MEGF10: variants seen among roughly 807,000 people sequenced by gnomAD.
MEGF10 encodes the protein multiple EGF like domains 10, also known as multiple epidermal growth factor-like domains protein 10.
In MEGF10, 86 loss-of-function variants were observed where a neutral mutation model predicts 147.5. The observed-to-expected ratio is 0.58, with a 90% CI of 0.49 to 0.70. The LOEUF (loss-of-function observed/expected upper bound fraction) is 0.70, where lower values mean the gene tolerates loss of function less well. Among genes scored for constraint, MEGF10 ranks in the 30% least tolerant of loss-of-function variants. The pLI is 0.00. For missense variants in MEGF10, 1,329 were observed against 1,487.3 expected (o/e 0.89, Z 1.75); for synonymous variants, 478 against 525.5 (o/e 0.91, Z 1.24).
Position 127,312,859 on chromosome 5 carries a change from A to C in MEGF10, c.-18-18432A>C, listed in dbSNP as rs182031042. On this transcript the variant is annotated intron_variant, in intron 1 of 24. Coordinates refer to ENST00000503335, the MANE Select transcript of MEGF10 (RefSeq NM_001256545.2). ...TCTTAGAAAGGTTTCAGATAACCTG[A>C]AACCATGGTAAATTACCATATTTTA... Among the ~76,000 whole-genome samples, 761 of 152,342 alleles carry C rather than the reference A, an allele frequency of 5.0e-3. 1 individual carries two copies. Among genetic ancestry groups the C allele is most frequent in the African/African-American group, 0.017 (724 of 41,568 alleles).
chr5:127,400,599 A>G (rs1764090316), intron 7 of MEGF10, among the ~76,000 whole-genome samples: 1 of 152,212 alleles, frequency 6.6e-6, no homozygotes. Context: ...TGAGAACTCC[A>G]TGCTCTTTGG....
the MEGF10 span, among the ~76,000 whole-genome samples, chr5:127,243,681 T>A: frequency 6.6e-6 from 1 of 152,126 alleles, no homozygotes; most frequent in Admixed American, 6.6e-5. Context: ...CATTTGTGTA[T>A]CATCATCAGA....
At chr5:127,268,582 G>A in the MEGF10 span, among the ~76,000 whole-genome samples, 1 of 152,348 alleles carries the variant, frequency 6.6e-6, no homozygotes, top group East Asian at 1.9e-4. Context: ...GGTAAACAAA[G>A]GGGCCAGGAA....
intron 1 of MEGF10, among the ~76,000 whole-genome samples, chr5:127,327,129 C>T (rs1761069662): frequency 1.3e-5 from 2 of 152,158 alleles, no homozygotes; most frequent in African/African-American, 4.8e-5. Flanking sequence ...AAAACACAGA[C>T]AGCAAGGGTT....
chr5:127,380,949 A>T (rs1763234548), intron 5 of MEGF10, among the ~76,000 whole-genome samples: 1 of 152,202 alleles, frequency 6.6e-6, no homozygotes, highest in Non-Finnish European at 1.5e-5. Context: ...TGTGTCTCGG[A>T]GTTCTTCACC....
At chr5:127,285,470 T>C in the MEGF10 span, among the ~76,000 whole-genome samples, 3 of 152,142 alleles carry the variant, frequency 2.0e-5, no homozygotes, top group Non-Finnish European at 4.4e-5. Flanking sequence ...CAGAGTGATA[T>C]AGTTACCACC....
At chr5:127,431,288 T>A (rs1237895708) in intron 13 of MEGF10, among the ~76,000 whole-genome samples, 1 of 152,226 alleles carries the variant, frequency 6.6e-6, no homozygotes, top group African/African-American at 2.4e-5. Context: ...TACCATGCTC[T>A]GATTGAGAAT....
intron 2 of MEGF10, among the ~76,000 whole-genome samples, chr5:127,336,720 G>A (rs1168318229): frequency 6.6e-6 from 1 of 152,104 alleles, no homozygotes; most frequent in African/African-American, 2.4e-5. Flanking sequence ...ATCAGGTCTA[G>A]TTCCAACAAA....
At chr5:127,295,734 A>C (rs1352891119) in intron 1 of MEGF10, among the ~76,000 whole-genome samples, 1 of 152,224 alleles carries the variant, frequency 6.6e-6, no homozygotes, top group Non-Finnish European at 1.5e-5. Flanking sequence ...ACAAATATCC[A>C]CATTGATGGA....
intron 13 of MEGF10, among the ~76,000 whole-genome samples, chr5:127,432,763 AC>A (rs1455015502): frequency 6.6e-6 from 1 of 152,208 alleles, no homozygotes; most frequent in African/African-American, 2.4e-5. Flanking sequence ...AGCATAGACA[AC>A]AGCTACAAAT....
At chr5:127,395,373 C>T (rs559054804) in intron 5 of MEGF10, among the ~76,000 whole-genome samples, 71 of 151,940 alleles carry the variant, frequency 4.7e-4, no homozygotes, top group South Asian at 3.3e-3. Flanking sequence ...TACCTGGTTT[C>T]GTTTGCCTAT....
At position 127,443,066 on chromosome 5, in the gene MEGF10, G is replaced by A. The variant is rs1554102007; in HGVS notation, c.2431G>A (p.Asp811Asn). The stretch of plus-strand genomic sequence containing the variant: ...TGATTGTCTGAACAACTCCACCTGC[G>A]ACCACATCACTGGGACCTGTTACTG... ...ICDCLNNSTC[D>N]HITGTCYCSP... is the part of the protein sequence containing the mutation. The change falls in exon 19 of 25, where the codon GAC becomes AAC. Residue 811 changes from aspartate (D) to asparagine (N), a missense_variant. Asp to Asn is a conservative substitution (Grantham distance 23). Coordinates refer to ENST00000503335, the MANE Select transcript of MEGF10 (RefSeq NM_001256545.2). 7 of 1,613,718 alleles carry A rather than the reference G, an allele frequency of 4.3e-6. No homozygotes were observed. The highest frequency in any genetic ancestry group is 2.7e-5 in the African/African-American group (2 of 75,014).
intron 5 of MEGF10, among the ~76,000 whole-genome samples, chr5:127,393,941 CT>C (rs1763806567): frequency 6.6e-6 from 1 of 151,470 alleles, no homozygotes; most frequent in Non-Finnish European, 1.5e-5. Context: ...AAAATCAGTT[CT>C]GTCCCCTCAG....
chr5:127,281,111 T>C, the MEGF10 span, among the ~76,000 whole-genome samples: 1 of 152,186 alleles, frequency 6.6e-6, no homozygotes, highest in African/African-American at 2.4e-5. Context: ...TGGCATCCAG[T>C]GGCAGGGCTT....
At chr5:127,316,706 A>C (rs1281391508) in intron 1 of MEGF10, among the ~76,000 whole-genome samples, 1 of 152,202 alleles carries the variant, frequency 6.6e-6, no homozygotes, top group Non-Finnish European at 1.5e-5. Context: ...ACATTCATTC[A>C]AGAATACCAA....
At chr5:127,405,136 A>G (rs9327439) in intron 8 of MEGF10, among the ~76,000 whole-genome samples, 4,102 of 152,308 alleles carry the variant, frequency 0.027, 183 homozygotes, top group African/African-American at 0.093. Flanking sequence ...AGCAATTTCT[A>G]TGAACTATGT....
At chr5:127,456,560 GA>G in intron 24 of MEGF10, among the ~76,000 whole-genome samples, 1 of 152,148 alleles carries the variant, frequency 6.6e-6, no homozygotes, top group Middle Eastern at 3.4e-3. Context: ...ACATCCCTGG[GA>G]AAAAATATAC....
At chr5:127,406,311 A>T (rs1350426115) in intron 8 of MEGF10, among the ~76,000 whole-genome samples, 1 of 152,242 alleles carries the variant, frequency 6.6e-6, no homozygotes, top group Non-Finnish European at 1.5e-5. Context: ...GAAGGGAAGT[A>T]AAGAGAGAAC....
intron 4 of MEGF10, among the ~76,000 whole-genome samples, chr5:127,356,984 G>T (rs2126831905): frequency 6.6e-6 from 1 of 152,170 alleles, no homozygotes; most frequent in South Asian, 2.1e-4. Context: ...TAGTTCTCTG[G>T]ATCTACTTAC....
Sources: allele counts gnomAD v4.1 joint callset (sites outside exome capture counted in the v4.1 genomes callset), GRCh38; gene constraint gnomAD v4.1.1; transcripts MANE v1.5; gene names NCBI Gene and HGNC (gene_info 2026-07-23, HGNC 2026-07-21).